The following USP35 variants were observed in gnomAD, a reference collection of about 807,000 sequenced individuals.
USP35 encodes the protein ubiquitin carboxyl-terminal hydrolase 35.
USP35 carries 69 observed loss-of-function variants against 83.8 expected under a neutral mutation model. The observed-to-expected ratio is 0.82, with a 90% confidence interval of 0.68 to 1.01. USP35 has a LOEUF of 1.01. Ranked by LOEUF, USP35 falls within the 50% of genes least tolerant of loss-of-function variation. USP35 has a pLI of 0.00. For missense variants in USP35, 1,503 were observed against 1,362.5 expected, an observed-to-expected ratio of 1.10 and a Z score of -1.62; for synonymous variants, 714 against 589.5, an observed-to-expected ratio of 1.21 and a Z score of -3.06.
At chr11:78,213,476 G>GTCTT (rs1229180536) in intron 10 of USP35, among the ~76,000 whole-genome samples, 170 bp from the exon 11 acceptor site, 3 of 134,304 alleles carry the variant, frequency 2.2e-5, no homozygotes, top group African/African-American at 8.1e-5. Context: ...GTCTTTTGAA[G>GTCTT]TCTTTTGAAG....
rs375862099 is a variant in USP35, at chr11:78,213,230, AGGGTGGC to A, written c.2890-411_2890-405del. Among the ~76,000 whole-genome samples, 655 of 152,324 alleles carry A rather than the reference AGGGTGGC, an allele frequency of 4.3e-3. 2 individuals carry two copies. The highest frequency in any genetic ancestry group is 0.015 in the African/African-American group (633 of 41,578). ...TCTGCCATGCTGTCCAGATGGAGGC[AGGGTGGC>A]GGGTAAGGATCGCCATGAGGCTGAC... On this transcript the variant is annotated intron_variant, in intron 10 of 10. Coordinates refer to ENST00000529308, the MANE Select transcript of USP35 (RefSeq NM_020798.4).
Position 78,210,380 on chromosome 11 carries a change from G to T in USP35, c.2525G>T (p.Gly842Val). The change falls in exon 10 of 11, where the codon GGC (glycine) becomes GTC (valine). Residue 842 changes from glycine (G) to valine (V), a missense_variant. Physicochemically the swap from Gly to Val is moderately radical, Grantham distance 109. Transcript: ENST00000529308. ...LLRLPLAGGR[G>V]QAYDLCSVVV... is the part of the protein sequence containing the mutation. ...CGCCTGCCACTGGCTGGTGGCCGTG[G>T]CCAGGCCTATGACCTCTGCAGTGTG... 6.2e-7 allele frequency: 1 copy of T among 1,613,602 alleles called. No individual in the cohort carries two copies. The highest frequency in any genetic ancestry group is 8.5e-7 in the Non-Finnish European group (1 of 1,179,970).
chr11:78,227,010 A>G, the USP35 span: 1 of 1,613,254 alleles, frequency 6.2e-7, no homozygotes, highest in Non-Finnish European at 8.5e-7. Context: ...GTCACTCCTC[A>G]TGAGAAAAGA....
At chr11:78,231,336 G>GGT in the USP35 span, among the ~76,000 whole-genome samples, 8,070 of 145,790 alleles carry the variant, frequency 0.055, 264 homozygotes, top group South Asian at 0.094. Context: ...GCGCGTGTGT[G>GGT]GTGTGTGTGT....
intron 4 of USP35, 24 bp from the exon 5 acceptor site, chr11:78,200,109 T>C: frequency 6.2e-7 from 1 of 1,613,778 alleles, no homozygotes; most frequent in Non-Finnish European, 8.5e-7. Flanking sequence ...GCCTGGGGAC[T>C]CCTGACCAGG....
chr11:78,234,724 T>C, the USP35 span, among the ~76,000 whole-genome samples: 7 of 152,006 alleles, frequency 4.6e-5, no homozygotes, highest in East Asian at 1.4e-3. Flanking sequence ...AATACAACAT[T>C]ATCTTGATTA....
intron 6 of USP35, among the ~76,000 whole-genome samples, chr11:78,203,649 G>T (rs1467772762): frequency 6.6e-6 from 1 of 151,904 alleles, no homozygotes; most frequent in Non-Finnish European, 1.5e-5. Context: ...CGTGATCTCG[G>T]CTCATTGCAA....
chr11:78,233,834 G>A, the USP35 span, among the ~76,000 whole-genome samples: 5 of 152,254 alleles, frequency 3.3e-5, no homozygotes, highest in South Asian at 2.1e-4. Flanking sequence ...GGCTGGTCTC[G>A]AACTCCTGGC....
downstream of USP35, chr11:78,219,524 T>C: frequency 9.9e-7 from 1 of 1,007,566 alleles, no homozygotes; most frequent in South Asian, 1.5e-5. Flanking sequence ...GAGAAGAGCA[T>C]GGCCTCTGCC....
rs1863920319 is a variant in USP35 at position 78,213,795 on chromosome 11, CCA to C, written c.3042_3043del (p.His1014GlnfsTer7). On this transcript the variant is annotated frameshift_variant, in exon 11 of 11. Coordinates refer to ENST00000529308, the MANE Select transcript of USP35 (RefSeq NM_020798.4). LOFTEE classifies it high-confidence loss of function. ...CTGCAGGTGGCAATGGTGGTGACTTCCACAGACTGGTCTTCTAATGTGAACCT... is the reference window on the plus strand; with the variant it reads ...CTGCAGGTGGCAATGGTGGTGACTTCCAGACTGGTCTTCTAATGTGAACCT... ...NPAGGNGGDF[H>X]RLVF 1 of 1,553,292 alleles carries C rather than the reference CCA, an allele frequency of 6.4e-7. No homozygotes were observed. Among genetic ancestry groups the C allele is most frequent in the Non-Finnish European group, 8.6e-7 (1 of 1,157,470 alleles).
chr11:78,211,526 C>T (rs1023184776), intron 10 of USP35, among the ~76,000 whole-genome samples: 2 of 152,178 alleles, frequency 1.3e-5, no homozygotes, highest in Admixed American at 6.5e-5. Context: ...GAGGAATTGC[C>T]ACACTGTCTT....
At chr11:78,192,541 C>T (rs948934649) in intron 1 of USP35, among the ~76,000 whole-genome samples, 1 of 152,180 alleles carries the variant, frequency 6.6e-6, no homozygotes, top group African/African-American at 2.4e-5. Context: ...TTGCTGGTGA[C>T]CATGGTGACA....
chr11:78,200,374 T>C, intron 5 of USP35, 140 bp downstream of exon 5: 1 of 1,063,264 alleles, frequency 9.4e-7, no homozygotes, highest in Non-Finnish European at 1.4e-6. Context: ...GCCAAGCAGC[T>C]GGATCGTGGG....
chr11:78,226,602 T>C, the USP35 span: 5 of 545,618 alleles, frequency 9.2e-6, no homozygotes, highest in Admixed American at 2.1e-5. Flanking sequence ...CTGACTTGGC[T>C]TGGGGGGGCG....
In USP35 at chr11:78,213,799, A is replaced by C. The variant is rs1863920574; in HGVS notation, c.3043A>C (p.Arg1015=). The C allele has an allele frequency of 6.4e-7, 1 of 1,553,796 alleles. No homozygotes were observed. Among genetic ancestry groups the C allele is most frequent in the Non-Finnish European group, 8.6e-7 (1 of 1,157,590 alleles). ...AGGTGGCAATGGTGGTGACTTCCAC[A>C]GACTGGTCTTCTAATGTGAACCTGC... is the stretch of plus-strand genomic sequence containing the variant. ...PAGGNGGDFH[R]LVF Residue 1015 remains arginine, a synonymous_variant, in exon 11 of 11, where the codon AGA becomes CGA. Transcript: ENST00000529308.
Position 78,200,690 on chromosome 11 carries a change from A to G in USP35, c.1079A>G (p.Lys360Arg). 6.2e-7 allele frequency: 1 copy of G among 1,614,008 alleles called. No individual in the cohort carries two copies. The highest frequency in any genetic ancestry group is 8.5e-7 in the Non-Finnish European group (1 of 1,179,942). ...HIPPMVASLV[K>R]EDSNSGTSCL... ...CCCCCCATGGTGGCCTCTCTGGTCA[A>G]GGAGGACTCGAACTCGGGGACCAGC... Residue 360 changes from lysine (K) to arginine (R), a missense_variant, in exon 6 of 11, where the codon AAG (lysine) becomes AGG (arginine). Physicochemically the swap from Lys to Arg is conservative, Grantham distance 26. Transcript: ENST00000529308.
At chr11:78,199,812 G>A in intron 4 of USP35, 88 bp downstream of exon 4, 1 of 1,589,862 alleles carries the variant, frequency 6.3e-7, no homozygotes, top group South Asian at 1.1e-5. Flanking sequence ...TCAGAGCATT[G>A]GGCCTACCCA....
chr11:78,213,194 C>G (rs1261310668), intron 10 of USP35, among the ~76,000 whole-genome samples: 1 of 152,120 alleles, frequency 6.6e-6, no homozygotes, highest in Non-Finnish European at 1.5e-5. Context: ...GTCAGGCTCT[C>G]AGGGACAGCT....
Position 78,210,633 on chromosome 11 carries a change from G to T in USP35, c.2778G>T (p.Arg926=), listed in dbSNP as rs1319407285. ...DTAYVLFYRQ[R]PREGPEAELG... The stretch of plus-strand genomic sequence containing the variant: ...CCTATGTGCTGTTTTACCGGCAGCG[G>T]CCCAGGGAGGGGCCCGAGGCTGAGT... The change falls in exon 10 of 11, where the codon CGG becomes CGT. Residue 926 remains arginine (R), a synonymous_variant. Coordinates refer to ENST00000529308, the MANE Select transcript of USP35 (RefSeq NM_020798.4). The T allele has an allele frequency of 1.2e-6, 2 of 1,614,148 alleles. No individual in the cohort carries two copies. The highest frequency in any genetic ancestry group is 2.2e-5 in the South Asian group (2 of 91,072).
Sources: allele counts gnomAD v4.1 joint callset (sites outside exome capture counted in the v4.1 genomes callset), GRCh38; gene constraint gnomAD v4.1.1; transcripts MANE v1.5; gene names NCBI Gene and HGNC (gene_info 2026-07-23, HGNC 2026-07-21).